The following ARHGAP42 variants were observed in gnomAD, a reference collection of about 807,000 sequenced individuals.
The protein encoded by ARHGAP42 is Rho GTPase activating protein 42.
Under a neutral mutation model 125.0 loss-of-function variants are expected in ARHGAP42, and 63 were observed. The observed-to-expected ratio is 0.50, with a 90% CI of 0.41 to 0.62. The LOEUF (loss-of-function observed/expected upper bound fraction) is 0.62. ARHGAP42 is among the 20% of genes least tolerant of loss of function. The probability of loss-of-function intolerance (pLI) is 0.00; values close to 1 mark genes in which losing one functional copy is unlikely to be tolerated. For synonymous variants in ARHGAP42, 339 were observed against 351.0 expected (o/e 0.97, Z 0.38); for missense variants, 766 against 1,024.2 (o/e 0.75, Z 3.44).
At chr11:100,896,669 C>T (rs1310795028) in intron 4 of ARHGAP42, among the ~76,000 whole-genome samples, 1 of 152,114 alleles carries the variant, frequency 6.6e-6, no homozygotes, top group Non-Finnish European at 1.5e-5. Context: ...ATCCTTTGCC[C>T]ACTTTTTGAT....
At chr11:100,879,079 A>G (rs1054375361) in intron 4 of ARHGAP42, among the ~76,000 whole-genome samples, 2 of 152,074 alleles carry the variant, frequency 1.3e-5, no homozygotes, top group African/African-American at 2.4e-5. Context: ...TAATGCCTCA[A>G]AAAAATATGG....
rs560718295 is a variant in ARHGAP42 at position 100,765,840 on chromosome 11, A to G, written c.155-4503A>G. Among the ~76,000 whole-genome samples the G allele has an allele frequency of 2.6e-5, 4 of 152,316 alleles. No homozygotes were observed. In the East Asian group the frequency reaches 7.7e-4, roughly 29 times the overall value. On this transcript the variant is annotated intron_variant, in intron 1 of 23. Transcript: ENST00000298815. ...ATCCTAGAGAAGCTGGATTTTAGGA[A>G]GAACTAACTTAAACTAATGGACTGA...
chr11:100,746,597 T>C (rs971867564), intron 1 of ARHGAP42, among the ~76,000 whole-genome samples: 1 of 152,252 alleles, frequency 6.6e-6, no homozygotes, highest in Non-Finnish European at 1.5e-5. Flanking sequence ...CTCCTATTTC[T>C]ACTACTGAGA....
At chr11:100,953,209 A>G (rs1029869312) in intron 12 of ARHGAP42, among the ~76,000 whole-genome samples, 1 of 152,104 alleles carries the variant, frequency 6.6e-6, no homozygotes, top group African/African-American at 2.4e-5. Context: ...CTTCTCCTGT[A>G]ACTGGTATTG....
At chr11:100,726,970 T>G (rs981129440) in intron 1 of ARHGAP42, among the ~76,000 whole-genome samples, 1 of 152,252 alleles carries the variant, frequency 6.6e-6, no homozygotes, top group Admixed American at 6.5e-5. Context: ...TGAGGAATGC[T>G]GCAGAATTGT....
intron 23 of ARHGAP42, among the ~76,000 whole-genome samples, chr11:100,987,959 CTCTACTAAAAATACAAA>C: frequency 6.6e-6 from 1 of 152,212 alleles, no homozygotes; most frequent in South Asian, 2.1e-4. Context: ...GAAACCCTGT[CTCTACTAAAAATACAAA>C]AATTACCCGG....
chr11:100,770,539 T>A, intron 2 of ARHGAP42, 101 bp downstream of exon 2: 1 of 925,852 alleles, frequency 1.1e-6, no homozygotes, highest in Non-Finnish European at 1.6e-6. Flanking sequence ...ATTTTCTGAC[T>A]TTGACAATAC....
chr11:100,864,424 C>A (rs970014234), intron 4 of ARHGAP42, among the ~76,000 whole-genome samples: 1 of 152,074 alleles, frequency 6.6e-6, no homozygotes, highest in Non-Finnish European at 1.5e-5. Context: ...TCAAGTGATC[C>A]GCCCGCCTCA....
intron 1 of ARHGAP42, among the ~76,000 whole-genome samples, chr11:100,704,226 A>C (rs1188068229): frequency 6.6e-6 from 1 of 152,188 alleles, no homozygotes; most frequent in African/African-American, 2.4e-5. Flanking sequence ...CTAAAAACAA[A>C]ACAATATTTA....
intron 1 of ARHGAP42, among the ~76,000 whole-genome samples, chr11:100,752,102 T>C (rs898522070): frequency 5.9e-5 from 9 of 152,074 alleles, no homozygotes; most frequent in African/African-American, 2.2e-4. Context: ...TTTTTTCATC[T>C]GCAGAAATGT....
intron 11 of ARHGAP42, among the ~76,000 whole-genome samples, chr11:100,949,362 T>A (rs1251750350): frequency 3.9e-5 from 6 of 152,196 alleles, no homozygotes; most frequent in Non-Finnish European, 8.8e-5. Context: ...AAATTTAATT[T>A]AAAAATTGGA....
chr11:100,955,809 T>TG (rs1257257553), intron 12 of ARHGAP42, among the ~76,000 whole-genome samples: 2 of 151,040 alleles, frequency 1.3e-5, no homozygotes, highest in South Asian at 2.1e-4. Context: ...GTTTTTGATT[T>TG]TTTGTTTTTT....
chr11:100,918,978 A>T (rs895311646), intron 5 of ARHGAP42, among the ~76,000 whole-genome samples: 23 of 152,150 alleles, frequency 1.5e-4, no homozygotes, highest in Admixed American at 2.6e-4. Flanking sequence ...ATTTGCTTGG[A>T]GAACTCACAG....
At chr11:100,768,061 T>C (rs374966379) in intron 1 of ARHGAP42, among the ~76,000 whole-genome samples, 1 of 152,144 alleles carries the variant, frequency 6.6e-6, no homozygotes, top group Non-Finnish European at 1.5e-5. Context: ...TGGGGTTTCA[T>C]GAATGTCGGG....
chr11:100,846,865 G>T (rs1311210713), intron 3 of ARHGAP42, among the ~76,000 whole-genome samples: 1 of 152,148 alleles, frequency 6.6e-6, no homozygotes, highest in African/African-American at 2.4e-5. Context: ...GGAACAGAGA[G>T]AAGGATTGAA....
At chr11:100,749,597 A>G (rs978021505) in intron 1 of ARHGAP42, among the ~76,000 whole-genome samples, 1 of 151,946 alleles carries the variant, frequency 6.6e-6, no homozygotes, top group Admixed American at 6.6e-5. Context: ...CACACTTCCC[A>G]CTCGTGTTGT....
At chr11:100,919,511 A>G (rs149737529) in intron 5 of ARHGAP42, among the ~76,000 whole-genome samples, 19 of 152,204 alleles carry the variant, frequency 1.2e-4, no homozygotes, top group African/African-American at 3.9e-4. Context: ...AAAGGGCTCA[A>G]CATTCTAGTT....
chr11:100,749,341 G>A (rs1307914436), intron 1 of ARHGAP42, among the ~76,000 whole-genome samples: 4 of 148,222 alleles, frequency 2.7e-5, no homozygotes, highest in Admixed American at 6.7e-5. Flanking sequence ...GGGATGTCTC[G>A]CCTTGCCTGT....
chr11:100,739,292 A>C (rs1234301340), intron 1 of ARHGAP42, among the ~76,000 whole-genome samples: 1 of 149,500 alleles, frequency 6.7e-6, no homozygotes, highest in Admixed American at 6.6e-5. Flanking sequence ...TTTTTTTTTT[A>C]GTTAAAGTTC....
Sources: gnomAD v4.1 joint callset for allele counts (sites outside exome capture counted in the v4.1 genomes callset) on GRCh38, gnomAD v4.1.1 for gene constraint, MANE v1.5 for transcripts, NCBI Gene and HGNC (gene_info 2026-07-23, HGNC 2026-07-21) for gene names.